The following SAMTOR variants were observed in gnomAD, a reference collection of about 807,000 sequenced individuals.
SAMTOR encodes S-adenosylmethionine sensor upstream of mTORC1.
the SAMTOR span, among the ~76,000 whole-genome samples, chr7:112,823,052 T>C: frequency 2.0e-5 from 3 of 152,102 alleles, no homozygotes; most frequent in African/African-American, 7.2e-5. Context: ...GAATAAGCAA[T>C]TTTAAAATTA....
chr7:112,913,483 C>A, the SAMTOR span, among the ~76,000 whole-genome samples: 4 of 152,050 alleles, frequency 2.6e-5, no homozygotes, highest in African/African-American at 7.3e-5. Context: ...CTTACTGACA[C>A]CCTTGCCCTT....
At chr7:112,913,605 T>C in the SAMTOR span, among the ~76,000 whole-genome samples, 10 of 152,206 alleles carry the variant, frequency 6.6e-5, no homozygotes, top group Non-Finnish European at 1.2e-4. Flanking sequence ...TGACTTCCCA[T>C]GTCAGAGTAA....
the SAMTOR span, among the ~76,000 whole-genome samples, chr7:112,827,053 T>C: frequency 6.6e-6 from 1 of 152,226 alleles, no homozygotes; most frequent in African/African-American, 2.4e-5. Context: ...TTATGGAATG[T>C]CATTTTTATC....
At chr7:112,930,420 G>A in the SAMTOR span, among the ~76,000 whole-genome samples, 5 of 151,206 alleles carry the variant, frequency 3.3e-5, no homozygotes, top group Non-Finnish European at 7.4e-5. Context: ...AACATGTTAT[G>A]AATAGTCATT....
At chr7:112,932,865 G>C in the SAMTOR span, among the ~76,000 whole-genome samples, 1 of 152,294 alleles carries the variant, frequency 6.6e-6, no homozygotes, top group South Asian at 2.1e-4. Context: ...GACCAACCAC[G>C]AAGAGGTCAT....
chr7:112,913,883 T>G, the SAMTOR span, among the ~76,000 whole-genome samples: 2 of 152,194 alleles, frequency 1.3e-5, no homozygotes, highest in Non-Finnish European at 2.9e-5. Flanking sequence ...TTCCTTGCTT[T>G]ATTTTTCTCA....
chr7:112,860,145 A>G, the SAMTOR span, among the ~76,000 whole-genome samples: 1 of 152,220 alleles, frequency 6.6e-6, no homozygotes, highest in Non-Finnish European at 1.5e-5. Context: ...ATTCAGTACA[A>G]AACATGCTTT....
chr7:112,861,508 A>C, the SAMTOR span, among the ~76,000 whole-genome samples: 1 of 152,162 alleles, frequency 6.6e-6, no homozygotes, highest in Admixed American at 6.5e-5. Flanking sequence ...CATGACCGTT[A>C]GTGATTTTTA....
the SAMTOR span, among the ~76,000 whole-genome samples, chr7:112,914,335 T>G: frequency 6.7e-6 from 1 of 149,630 alleles, no homozygotes; most frequent in Non-Finnish European, 1.5e-5. Flanking sequence ...ATAGGTAAAT[T>G]GCACGTCACA....
chr7:112,828,504 T>C, the SAMTOR span, among the ~76,000 whole-genome samples: 8 of 152,210 alleles, frequency 5.3e-5, no homozygotes, highest in Admixed American at 4.6e-4. Flanking sequence ...CAGAGTCTTA[T>C]TGGACTAGGG....
At chr7:112,933,680 C>T in the SAMTOR span, among the ~76,000 whole-genome samples, 5 of 152,132 alleles carry the variant, frequency 3.3e-5, no homozygotes, top group Non-Finnish European at 5.9e-5. Flanking sequence ...ACAGAAAAAT[C>T]TTAGTTCAAT....
the SAMTOR span, among the ~76,000 whole-genome samples, chr7:112,857,799 C>A: frequency 3.5e-4 from 53 of 150,766 alleles, no homozygotes; most frequent in Non-Finnish European, 1.2e-4. Flanking sequence ...CATGAAGAAG[C>A]AACCTGGCTG....
At chr7:112,915,423 C>T in the SAMTOR span, 32 of 1,599,814 alleles carry the variant, frequency 2.0e-5, no homozygotes, top group Non-Finnish European at 2.3e-5. Context: ...ACAGTGTTCT[C>T]GCCAGATCTT....
the SAMTOR span, among the ~76,000 whole-genome samples, chr7:112,902,435 AAAACAAAAAAAAAC>A: frequency 4.8e-4 from 53 of 111,364 alleles, 8 homozygotes; most frequent in East Asian, 1.3e-3. Flanking sequence ...AAAACAAAAA[AAAACAAAAAAAAAC>A]AAAAAAAAAA....
the SAMTOR span, among the ~76,000 whole-genome samples, chr7:112,914,640 AACTC>A: frequency 6.6e-6 from 1 of 152,272 alleles, no homozygotes; most frequent in Middle Eastern, 3.4e-3. Context: ...GACTTTATAG[AACTC>A]ACTTTTACTT....
the SAMTOR span, among the ~76,000 whole-genome samples, chr7:112,921,978 G>A: frequency 1.1e-4 from 16 of 146,242 alleles, no homozygotes; most frequent in African/African-American, 2.1e-4. Flanking sequence ...TCCCGCTCCC[G>A]CTCCCCACGG....
chr7:112,859,097 A>G, the SAMTOR span, among the ~76,000 whole-genome samples: 35 of 152,210 alleles, frequency 2.3e-4, no homozygotes, highest in Non-Finnish European at 4.9e-4. Context: ...CAGAAAGGAA[A>G]TTCAGCCTCC....
chr7:112,879,271 C>T, the SAMTOR span, among the ~76,000 whole-genome samples: 2 of 150,560 alleles, frequency 1.3e-5, no homozygotes, highest in African/African-American at 4.9e-5. Context: ...TATGTGGAAA[C>T]AAAGCTATAA....
the SAMTOR span, among the ~76,000 whole-genome samples, chr7:112,874,807 T>C: frequency 6.6e-6 from 1 of 152,132 alleles, no homozygotes; most frequent in Non-Finnish European, 1.5e-5. Context: ...CAGCAAATAT[T>C]TTTTTGAATG....
Sources: gnomAD v4.1 joint callset for allele counts (sites outside exome capture counted in the v4.1 genomes callset) on GRCh38, gnomAD v4.1.1 for gene constraint, MANE v1.5 for transcripts, NCBI Gene and HGNC (gene_info 2026-07-23, HGNC 2026-07-21) for gene names.